The following CNTNAP4 variants were observed in gnomAD, a reference collection of about 807,000 sequenced individuals.
The protein encoded by CNTNAP4 is contactin associated protein family member 4, also known as contactin-associated protein-like 4.
A neutral mutation model predicts 148.4 loss-of-function variants in CNTNAP4; 98 were observed. That is an observed-to-expected ratio of 0.66 (90% confidence interval 0.56 to 0.78). The LOEUF is 0.78. CNTNAP4 is among the 30% of genes least tolerant of loss of function. CNTNAP4 has a pLI of 0.00. For missense variants in CNTNAP4, 1,935 were observed against 1,565.6 expected, an observed-to-expected ratio of 1.24 and a Z score of -3.98; for synonymous variants, 730 against 565.1, an observed-to-expected ratio of 1.29 and a Z score of -4.14.
In CNTNAP4 at chr16:76,538,319, T is replaced by A; in HGVS notation, c.3199T>A (p.Ser1067Thr). The A allele has an allele frequency of 6.2e-7, 1 of 1,603,326 alleles. No homozygotes were observed. The highest frequency in any genetic ancestry group is 8.5e-7 in the Non-Finnish European group (1 of 1,176,320). The change falls in exon 19 of 24, where the codon TCT becomes ACT. Residue 1067 changes from serine to threonine, a missense_variant. By Grantham distance (58) the Ser-to-Thr change is moderately conservative (BLOSUM62 1). Transcript: ENST00000611870. ...FVSSFYKEYL[S>T]VIIAKNGSLQ... is the part of the protein sequence containing the mutation. ...GAGCTCCTTTTACAAAGAATACCTT[T>A]CTGTGATCATTGCCAAAAATGGTGA...
At chr16:76,521,452 C>T in intron 16 of CNTNAP4, 142 bp downstream of exon 16, 1 of 598,728 alleles carries the variant, frequency 1.7e-6, no homozygotes, top group Non-Finnish European at 2.7e-6. Context: ...ATAATATTAA[C>T]TTATCCTGTT....
At chr16:76,408,473 T>C (rs937690186) in intron 3 of CNTNAP4, among the ~76,000 whole-genome samples, 1 of 148,672 alleles carries the variant, frequency 6.7e-6, no homozygotes, top group Non-Finnish European at 1.5e-5. Context: ...ACCAACCCTC[T>C]TGTACCCATT....
At chr16:76,366,766 A>C (rs897207267) in intron 3 of CNTNAP4, among the ~76,000 whole-genome samples, 2 of 152,200 alleles carry the variant, frequency 1.3e-5, no homozygotes, top group Non-Finnish European at 2.9e-5. Context: ...AATCCAAAAA[A>C]TGAAAAGATA....
rs868510312 is a variant in CNTNAP4, at chr16:76,461,950, C to T, written c.1334-6C>T. On this transcript the variant is annotated splice_polypyrimidine_tract_variant and splice_region_variant and intron_variant, in intron 8 of 23. Transcript: ENST00000611870. ...GAGCGATCTCTAACTGATTTCATCTCCCTAGGTGTCGAATTAAATGATGGG... is the reference window on the plus strand; with the variant it reads ...GAGCGATCTCTAACTGATTTCATCTTCCTAGGTGTCGAATTAAATGATGGG... The T allele has an allele frequency of 3.1e-6, 5 of 1,612,900 alleles. No homozygotes were observed. Among genetic ancestry groups the T allele is most frequent in the Non-Finnish European group, 4.2e-6 (5 of 1,179,086 alleles).
intron 3 of CNTNAP4, among the ~76,000 whole-genome samples, chr16:76,402,486 C>A (rs2078454556): frequency 6.6e-6 from 1 of 151,400 alleles, no homozygotes; most frequent in African/African-American, 2.4e-5. Flanking sequence ...TTTTTATTAT[C>A]TTACTAATTA....
intron 4 of CNTNAP4, among the ~76,000 whole-genome samples, chr16:76,435,282 G>A (rs1313804677): frequency 6.6e-6 from 1 of 152,086 alleles, no homozygotes; most frequent in African/African-American, 2.4e-5. Flanking sequence ...AATTAAGCAG[G>A]AGTGCAGTAG....
chr16:76,454,344 C>G (rs2080640135), intron 8 of CNTNAP4, among the ~76,000 whole-genome samples: 1 of 152,022 alleles, frequency 6.6e-6, no homozygotes, highest in African/African-American at 2.4e-5. Flanking sequence ...CAGTCCATTT[C>G]TAACCGCTTT....
chr16:76,454,747 A>G (rs940579587), intron 8 of CNTNAP4, among the ~76,000 whole-genome samples: 1 of 152,198 alleles, frequency 6.6e-6, no homozygotes, highest in Non-Finnish European at 1.5e-5. Context: ...GCGACACTTG[A>G]TAATTAAACC....
chr16:76,317,783 A>G (rs1486230621), intron 2 of CNTNAP4, among the ~76,000 whole-genome samples: 1 of 152,098 alleles, frequency 6.6e-6, no homozygotes, highest in Non-Finnish European at 1.5e-5. Flanking sequence ...CATAGTTCTA[A>G]TTACAATATA....
chr16:76,524,960 G>A (rs1471080964), intron 17 of CNTNAP4, among the ~76,000 whole-genome samples: 1 of 151,788 alleles, frequency 6.6e-6, no homozygotes, highest in East Asian at 1.9e-4. Context: ...CTAAGGGAAG[G>A]GCTCATAAAA....
rs2081329134 is a variant in CNTNAP4, at chr16:76,470,498, A to ATATATATATATATATATATATAT, written c.1655+2975_1655+2976insTATATATATATATATATATATAT. The stretch of plus-strand genomic sequence containing the variant: ...TCTACTAATAATATATATATATATA[A>ATATATATATATATATATATATAT]AATTAGTCGGGCATGGTGGCACATG... On this transcript the variant is annotated intron_variant, in intron 10 of 23. Transcript: ENST00000611870. Among the ~76,000 whole-genome samples the ATATATATATATATATATATATAT allele has an allele frequency of 1.2e-4, 4 of 32,570 alleles. No homozygotes were observed. In the South Asian group the frequency reaches 7.0e-3, roughly 57 times the overall value. 21.4% of individuals were successfully genotyped at this position (32,570 alleles called of 152,430 possible).
At chr16:76,290,291 A>G (rs1287929675) in intron 1 of CNTNAP4, among the ~76,000 whole-genome samples, 2 of 152,176 alleles carry the variant, frequency 1.3e-5, no homozygotes, top group East Asian at 1.9e-4. Context: ...TTCTCCCTGC[A>G]TCTGTGAAAT....
chr16:76,481,515 A>G (rs926656156), intron 12 of CNTNAP4, among the ~76,000 whole-genome samples: 1 of 151,810 alleles, frequency 6.6e-6, no homozygotes, highest in African/African-American at 2.4e-5. Flanking sequence ...CCCCATCTCT[A>G]TTTTTCTTTT....
chr16:76,406,608 G>A (rs556029660), intron 3 of CNTNAP4, among the ~76,000 whole-genome samples: 1 of 152,180 alleles, frequency 6.6e-6, no homozygotes, highest in Admixed American at 6.5e-5. Flanking sequence ...AGAATAAAAA[G>A]TGCTACTTCA....
At chr16:76,299,371 G>A (rs1959684033) in intron 1 of CNTNAP4, among the ~76,000 whole-genome samples, 1 of 152,200 alleles carries the variant, frequency 6.6e-6, no homozygotes, top group Non-Finnish European at 1.5e-5. Context: ...AGACATTTAT[G>A]CAGCCGACAG....
At chr16:76,352,267 A>G (rs1023859853) in intron 2 of CNTNAP4, among the ~76,000 whole-genome samples, 1 of 152,142 alleles carries the variant, frequency 6.6e-6, no homozygotes, top group Non-Finnish European at 1.5e-5. Context: ...GCCTGGAGGG[A>G]AAGAATAAAA....
chr16:76,441,735 A>G (rs2080050208), intron 4 of CNTNAP4, among the ~76,000 whole-genome samples: 1 of 152,156 alleles, frequency 6.6e-6, no homozygotes, highest in Non-Finnish European at 1.5e-5. Flanking sequence ...AGTCACAAAT[A>G]CACCAAATGT....
intron 22 of CNTNAP4, 68 bp downstream of exon 22, chr16:76,553,569 A>T: frequency 8.5e-7 from 1 of 1,178,940 alleles, no homozygotes; most frequent in Non-Finnish European, 1.2e-6. Flanking sequence ...AAAACTTCTC[A>T]TGTGGCTTTC....
intron 2 of CNTNAP4, among the ~76,000 whole-genome samples, 181 bp downstream of exon 2, chr16:76,316,704 A>G (rs1047087126): frequency 6.6e-6 from 1 of 152,250 alleles, no homozygotes; most frequent in African/African-American, 2.4e-5. Flanking sequence ...TGAAAGGGAT[A>G]CATCCTATAT....
Sources: allele counts gnomAD v4.1 joint callset (sites outside exome capture counted in the v4.1 genomes callset), GRCh38; gene constraint gnomAD v4.1.1; transcripts MANE v1.5; gene names NCBI Gene and HGNC (gene_info 2026-07-23, HGNC 2026-07-21).